The following ARHGAP22 variants were observed in gnomAD, a reference collection of about 807,000 sequenced individuals.
ARHGAP22 encodes the protein Rho GTPase activating protein 22, also known as rho GTPase-activating protein 22.
Under a neutral mutation model 59.1 loss-of-function variants are expected in ARHGAP22, and 48 were observed. The observed-to-expected ratio is 0.81, with a 90% CI of 0.64 to 1.03. The LOEUF (loss-of-function observed/expected upper bound fraction) is 1.03. Ranked by LOEUF, ARHGAP22 falls within the 50% of genes least tolerant of loss-of-function variation. The pLI is 0.00. For synonymous variants in ARHGAP22, 445 were observed against 416.4 expected (o/e 1.07, Z -0.84); for missense variants, 1,015 against 958.7 (o/e 1.06, Z -0.78).
intron 1 of ARHGAP22, among the ~76,000 whole-genome samples, chr10:48,615,340 C>A (rs933571658): frequency 3.7e-4 from 56 of 152,166 alleles, no homozygotes; most frequent in African/African-American, 1.2e-3. Context: ...CGCTAACTGA[C>A]CATTAAGCTA....
intron 4 of ARHGAP22, among the ~76,000 whole-genome samples, chr10:48,474,401 TC>T (rs60673174): frequency 0.63 from 96,093 of 152,050 alleles, 32,751 homozygotes; most frequent in Non-Finnish European, 0.76. Flanking sequence ...TTTAATGTCT[TC>T]CTTTTAAATC....
At chr10:48,523,557 G>C (rs2054013826) in intron 3 of ARHGAP22, among the ~76,000 whole-genome samples, 1 of 152,240 alleles carries the variant, frequency 6.6e-6, no homozygotes, top group Non-Finnish European at 1.5e-5. Flanking sequence ...CTCTGAGTCA[G>C]GGCCCCACCG....
At chr10:48,605,787 C>T (rs2060647668), upstream of ARHGAP22, among the ~76,000 whole-genome samples, 1 of 152,190 alleles carries the variant, frequency 6.6e-6, no homozygotes, top group Non-Finnish European at 1.5e-5. Flanking sequence ...AACTCTCAAA[C>T]TCCTGAAGCA....
intron 3 of ARHGAP22, among the ~76,000 whole-genome samples, chr10:48,537,790 G>A (rs2055514988): frequency 6.6e-6 from 1 of 152,246 alleles, no homozygotes; most frequent in South Asian, 2.1e-4. Flanking sequence ...CTCGGGCCAA[G>A]TAAATGATAC....
chr10:48,434,931 GT>G, the ARHGAP22 span: 5 of 1,613,334 alleles, frequency 3.1e-6, no homozygotes, highest in Non-Finnish European at 4.2e-6. Flanking sequence ...ATCGTCGTCT[GT>G]CAATGATGTG....
At chr10:48,648,640 G>A (rs186516146) in intron 1 of ARHGAP22, among the ~76,000 whole-genome samples, 72 of 152,300 alleles carry the variant, frequency 4.7e-4, no homozygotes, top group African/African-American at 1.7e-3. Context: ...AAAGCTTTGG[G>A]TAAAAGTCTG....
intron 2 of ARHGAP22, 34 bp downstream of exon 2, chr10:48,582,919 G>A (rs750413481): frequency 1.6e-5 from 25 of 1,608,962 alleles, no homozygotes; most frequent in Admixed American, 1.2e-4. Context: ...GCCCTGCCAC[G>A]ATGCCCACGG....
intron 2 of ARHGAP22, among the ~76,000 whole-genome samples, chr10:48,572,426 G>T (rs981773443): frequency 2.6e-5 from 4 of 152,150 alleles, no homozygotes; most frequent in Non-Finnish European, 5.9e-5. Flanking sequence ...CCTGATAAAA[G>T]ACCACCAACA....
chr10:48,611,869 CTCCCCTCCCCTCCCCTCCCG>C (rs756090414), intron 1 of ARHGAP22, among the ~76,000 whole-genome samples: 11 of 18,110 alleles, frequency 6.1e-4, no homozygotes, highest in African/African-American at 9.0e-4. Context: ...CTCCCCTCCC[CTCCCCTCCCCTCCCCTCCCG>C]TCCCCTTCAC....
rs146707002 is a variant in ARHGAP22, at chr10:48,478,694, G to C, written c.451+942C>G. 1.7e-4 allele frequency among the ~76,000 whole-genome samples: 26 copies of C among 152,300 alleles called. No homozygotes were observed. In the East Asian group the frequency reaches 2.7e-3, roughly 16 times the overall value. On this transcript the variant is annotated intron_variant, in intron 4 of 9. Coordinates refer to ENST00000249601, the MANE Select transcript of ARHGAP22 (RefSeq NM_021226.4). ...GATCTTTTCATGACCACTTCATATG[G>C]ACACCGACCTAGAGATAGCGACTGC... is the stretch of plus-strand genomic sequence containing the variant.
chr10:48,547,268 C>T (rs1265982052), intron 3 of ARHGAP22, among the ~76,000 whole-genome samples: 1 of 152,246 alleles, frequency 6.6e-6, no homozygotes, highest in Non-Finnish European at 1.5e-5. Flanking sequence ...ACCCCATGGC[C>T]CTGATTCCCA....
the ARHGAP22 span, chr10:48,431,048 T>A: frequency 3.0e-6 from 2 of 661,028 alleles, no homozygotes; most frequent in Admixed American, 5.7e-5. Flanking sequence ...TCCTTGAATC[T>A]TAGGCCGACA....
intron 3 of ARHGAP22, among the ~76,000 whole-genome samples, chr10:48,499,681 T>G (rs1281780364): frequency 6.6e-6 from 1 of 152,228 alleles, no homozygotes; most frequent in East Asian, 1.9e-4. Context: ...GCTGTTAAAT[T>G]ATTTTTCAGG....
intron 9 of ARHGAP22, among the ~76,000 whole-genome samples, chr10:48,449,432 G>T (rs184431229): frequency 1.6e-4 from 24 of 152,318 alleles, no homozygotes; most frequent in African/African-American, 5.8e-4. Flanking sequence ...AAAGGGCAAG[G>T]GCTGCCATTC....
At position 48,446,343 on chromosome 10, in the gene ARHGAP22, G is replaced by A. The variant is rs2045346849; in HGVS notation, c.*48C>T. On this transcript the variant is annotated 3_prime_UTR_variant, in exon 10 of 10. Coordinates refer to ENST00000249601, the MANE Select transcript of ARHGAP22 (RefSeq NM_021226.4). ...TACAGACGCTTCTAACTCCATACAAGGCTGGAGACCAGCAGACGTGGTACA... is the reference window on the plus strand; with the variant it reads ...TACAGACGCTTCTAACTCCATACAAAGCTGGAGACCAGCAGACGTGGTACA... The A allele has an allele frequency of 5.0e-6, 8 of 1,598,764 alleles. No individual in the cohort carries two copies. The highest frequency in any genetic ancestry group is 6.8e-6 in the Non-Finnish European group (8 of 1,168,110).
chr10:48,521,162 G>C (rs990876044), intron 3 of ARHGAP22, among the ~76,000 whole-genome samples: 4 of 152,096 alleles, frequency 2.6e-5, no homozygotes, highest in African/African-American at 9.7e-5. Flanking sequence ...GGAGCACCTG[G>C]AACCCAGGAT....
intron 1 of ARHGAP22, among the ~76,000 whole-genome samples, chr10:48,604,279 C>T (rs947485473): frequency 6.6e-6 from 1 of 152,202 alleles, no homozygotes; most frequent in African/African-American, 2.4e-5. Context: ...AGCCTGCCTG[C>T]CCCTGGCCTG....
rs758065324 is a variant in ARHGAP22 at position 48,479,577 on chromosome 10, G to C, written c.451+59C>G. On this transcript the variant is annotated intron_variant, in intron 4 of 9. Coordinates refer to ENST00000249601, the MANE Select transcript of ARHGAP22 (RefSeq NM_021226.4). ...TCTTTGGGGCTCAGGACAGGCAGGG[G>C]GCATGATTACCTGGAGGCAAGGGTT... 9.3e-6 allele frequency: 15 copies of C among 1,612,968 alleles called. No homozygotes were observed. In the South Asian group the frequency reaches 1.7e-4, roughly 18 times the overall value.
In ARHGAP22 at chr10:48,446,449, A is replaced by C; in HGVS notation, c.2039T>G (p.Phe680Cys). The change falls in exon 10 of 10, where the codon TTT becomes TGT. Residue 680 changes from phenylalanine to cysteine, a missense_variant. Coordinates refer to ENST00000249601, the MANE Select transcript of ARHGAP22 (RefSeq NM_021226.4). ...AGTCAAGCTTCCTAGGGTCGAAAAA[A>C]ACTCCTCCATTTCCCTCTGCAACAG... ...NQLLQREMEEFFSTLGSLTVG... is the reference protein window; with the variant it reads ...NQLLQREMEECFSTLGSLTVG... The C allele has an allele frequency of 6.2e-7, 1 of 1,613,798 alleles. No homozygotes were observed. Among genetic ancestry groups the C allele is most frequent in the Non-Finnish European group, 8.5e-7 (1 of 1,179,944 alleles).
Sources: gnomAD v4.1 joint callset for allele counts (sites outside exome capture counted in the v4.1 genomes callset) on GRCh38, gnomAD v4.1.1 for gene constraint, MANE v1.5 for transcripts, NCBI Gene and HGNC (gene_info 2026-07-23, HGNC 2026-07-21) for gene names.